The following CSMD1 variants were observed in gnomAD, a reference collection of about 807,000 sequenced individuals.
CSMD1 encodes CUB and Sushi multiple domains 1.
In CSMD1, 213 loss-of-function variants were observed where a neutral mutation model predicts 417.5. The observed-to-expected ratio is 0.51, with a 90% CI of 0.46 to 0.57. The LOEUF is 0.57. Among genes scored for constraint, CSMD1 ranks in the 20% least tolerant of loss-of-function variants. The probability of loss-of-function intolerance (pLI) is 0.00; values close to 1 mark genes in which losing one functional copy is unlikely to be tolerated. For synonymous variants in CSMD1, 2,862 were observed against 1,736.8 expected (o/e 1.65, Z -16.11); for missense variants, 6,923 against 4,529.7 (o/e 1.53, Z -15.17).
chr8:3,586,277 GAA>G lies in CSMD1; in HGVS notation c.1098-19_1098-18del, dbSNP rs5888973. ...GCACCAACCCTAAGCCGTTAAAAAA[GAA>G]AAAAAAAAACCCAAATTATTTACAG... On this transcript the variant is annotated intron_variant, in intron 8 of 69. Transcript: ENST00000635120. 126 of 1,379,054 alleles carry G rather than the reference GAA, an allele frequency of 9.1e-5. No individual in the cohort carries two copies. The highest frequency in any genetic ancestry group is 1.9e-4 in the Middle Eastern group (1 of 5,290). 85.4% of individuals were successfully genotyped at this position (1,379,054 alleles called of 1,614,324 possible). A position where few individuals can be genotyped will look rare whatever the true frequency, so the allele number is the denominator to read the frequency against.
chr8:4,031,671 T>C (rs535006676), intron 4 of CSMD1, among the ~76,000 whole-genome samples: 1 of 152,334 alleles, frequency 6.6e-6, no homozygotes, highest in Admixed American at 6.5e-5. Flanking sequence ...TTATTACTTA[T>C]CACATGTTAT....
In CSMD1 at chr8:3,315,882, T is replaced by C. The variant is rs140253981; in HGVS notation, c.3632-7379A>G. On this transcript the variant is annotated intron_variant, in intron 23 of 69. Transcript: ENST00000635120. ...GTCAATCTTGAAACATTTTATAATT[T>C]TAAATACATTACATTAATCCCAAGT... 1.7e-3 allele frequency among the ~76,000 whole-genome samples: 256 copies of C among 152,330 alleles called. 1 individual carries two copies. The highest frequency in any genetic ancestry group is 5.8e-3 in the African/African-American group (243 of 41,586).
intron 26 of CSMD1, among the ~76,000 whole-genome samples, chr8:3,251,522 G>C (rs1051766739): frequency 6.6e-6 from 1 of 152,208 alleles, no homozygotes; most frequent in Non-Finnish European, 1.5e-5. Flanking sequence ...TGTTCTCTTG[G>C]CTTAGGATTG....
chr8:4,175,575 G>C (rs893714792), intron 3 of CSMD1, among the ~76,000 whole-genome samples: 3 of 152,046 alleles, frequency 2.0e-5, no homozygotes, highest in Non-Finnish European at 4.4e-5. Context: ...TTTTTGAAAG[G>C]TATATTAGGA....
At chr8:4,053,296 G>C (rs148827415) in intron 3 of CSMD1, among the ~76,000 whole-genome samples, 13 of 152,298 alleles carry the variant, frequency 8.5e-5, no homozygotes, top group East Asian at 5.8e-4. Context: ...ACAGTGCTTA[G>C]CATTGCGAAT....
intron 1 of CSMD1, among the ~76,000 whole-genome samples, chr8:4,704,741 T>G (rs1435436622): frequency 6.6e-6 from 1 of 152,170 alleles, no homozygotes; most frequent in Non-Finnish European, 1.5e-5. Context: ...TTTCAAATGT[T>G]CTGGATATGT....
intron 3 of CSMD1, among the ~76,000 whole-genome samples, chr8:4,342,882 C>G (rs1246463855): frequency 6.6e-6 from 1 of 151,990 alleles, no homozygotes; most frequent in Admixed American, 6.6e-5. Flanking sequence ...TGTGACATAT[C>G]AGGAGAAGCA....
At chr8:4,026,328 G>C (rs947282801) in intron 4 of CSMD1, among the ~76,000 whole-genome samples, 1 of 152,162 alleles carries the variant, frequency 6.6e-6, no homozygotes, top group Non-Finnish European at 1.5e-5. Context: ...AAATGTAAAT[G>C]TAATAATCTA....
intron 10 of CSMD1, among the ~76,000 whole-genome samples, chr8:3,555,901 C>G (rs1412551556): frequency 6.6e-6 from 1 of 152,046 alleles, no homozygotes; most frequent in Non-Finnish European, 1.5e-5. Flanking sequence ...AGAAGTCAGT[C>G]AAATGTGATA....
At chr8:3,849,002 C>G (rs1563142320) in intron 5 of CSMD1, among the ~76,000 whole-genome samples, 1 of 151,572 alleles carries the variant, frequency 6.6e-6, no homozygotes, top group East Asian at 1.9e-4. Context: ...AATGGACTTT[C>G]ATACAGAAGG....
chr8:3,536,251 G>C (rs576580510), intron 10 of CSMD1, among the ~76,000 whole-genome samples: 8 of 152,156 alleles, frequency 5.3e-5, no homozygotes, highest in African/African-American at 1.9e-4. Context: ...TAAATGAGCT[G>C]AGTTAATAAG....
chr8:3,771,802 C>G (rs910818294), intron 5 of CSMD1, among the ~76,000 whole-genome samples: 1 of 152,092 alleles, frequency 6.6e-6, no homozygotes. Flanking sequence ...TCTGGGAACC[C>G]TTTACTATGA....
chr8:3,341,634 C>G (rs763521240), intron 23 of CSMD1, among the ~76,000 whole-genome samples: 42 of 152,070 alleles, frequency 2.8e-4, no homozygotes, highest in Non-Finnish European at 5.9e-4. Flanking sequence ...GGATCCCAGG[C>G]CAACGTTTTC....
chr8:4,621,141 G>GA (rs902429646), intron 2 of CSMD1, among the ~76,000 whole-genome samples: 2 of 151,988 alleles, frequency 1.3e-5, no homozygotes, highest in African/African-American at 4.8e-5. Context: ...TCAGATTTGG[G>GA]ATTTCTTTTT....
chr8:4,786,015 T>C (rs555922703), intron 1 of CSMD1, among the ~76,000 whole-genome samples: 15 of 152,330 alleles, frequency 9.8e-5, no homozygotes, highest in African/African-American at 3.4e-4. Flanking sequence ...CAGCAGTGGC[T>C]GGAGCTTCCT....
chr8:4,989,983 T>G (rs561632188), intron 1 of CSMD1, among the ~76,000 whole-genome samples: 2 of 152,292 alleles, frequency 1.3e-5, no homozygotes, highest in South Asian at 2.1e-4. Flanking sequence ...ACTGTGGTTG[T>G]GGCAGTCGTC....
intron 15 of CSMD1, among the ~76,000 whole-genome samples, chr8:3,400,827 C>G (rs957496093): frequency 6.6e-6 from 1 of 150,796 alleles, no homozygotes; most frequent in Non-Finnish European, 1.5e-5. Context: ...ATATTTTTCC[C>G]AAATAAGTTG....
chr8:3,022,110 GGAATACACCCGCAATCCCACAGCATCCA>G (rs1585169180), intron 51 of CSMD1, among the ~76,000 whole-genome samples: 1 of 143,492 alleles, frequency 7.0e-6, no homozygotes, highest in East Asian at 2.1e-4. Flanking sequence ...CACAGCATCC[GGAATACACCCGCAATCCCACAGCATCCA>G]GAATGCACCT....
intron 5 of CSMD1, among the ~76,000 whole-genome samples, chr8:3,967,457 GAAAA>G (rs10560472): frequency 1.4e-4 from 21 of 149,416 alleles, no homozygotes; most frequent in African/African-American, 4.6e-4. Flanking sequence ...TTGCTAAAAG[GAAAA>G]AAAAAAAAAC....
Sources: gnomAD v4.1 joint callset for allele counts (sites outside exome capture counted in the v4.1 genomes callset) on GRCh38, gnomAD v4.1.1 for gene constraint, MANE v1.5 for transcripts, NCBI Gene and HGNC (gene_info 2026-07-23, HGNC 2026-07-21) for gene names.